CCDC74A: variants seen among roughly 807,000 people sequenced by gnomAD.
The protein encoded by CCDC74A is coiled-coil domain-containing protein 74A.
A neutral mutation model predicts 37.6 loss-of-function variants in CCDC74A; 38 were observed. The observed-to-expected ratio is 1.01, with a 90% CI of 0.78 to 1.33. The LOEUF (loss-of-function observed/expected upper bound fraction) is 1.33, where lower values mean the gene tolerates loss of function less well. Among genes scored for constraint, CCDC74A ranks in the 40% most tolerant of loss-of-function variants. The pLI, the probability that CCDC74A is intolerant of heterozygous loss-of-function variation, is 0.00. For missense variants in CCDC74A, 340 were observed against 403.4 expected, an observed-to-expected ratio of 0.84 and a Z score of 1.35; for synonymous variants, 134 against 165.2, an observed-to-expected ratio of 0.81 and a Z score of 1.45.
chr2:131,528,794 G>T (rs1197618964), intron 1 of CCDC74A, among the ~76,000 whole-genome samples: 2 of 152,052 alleles, frequency 1.3e-5, no homozygotes, highest in Non-Finnish European at 2.9e-5. Context: ...CTCGGTGACA[G>T]AGCGAGACTC....
upstream of CCDC74A, chr2:131,527,858 C>A (rs3101996): frequency 6.3e-5 from 88 of 1,401,224 alleles, no homozygotes; most frequent in African/African-American, 1.4e-4. Flanking sequence ...CCCCCGCCAA[C>A]CGCCTCGCGC....
At chr2:131,531,118 G>A (rs1440019383) in intron 3 of CCDC74A, among the ~76,000 whole-genome samples, 1 of 152,118 alleles carries the variant, frequency 6.6e-6, no homozygotes, top group Non-Finnish European at 1.5e-5. Flanking sequence ...TTCTAGGGAG[G>A]ATGTACCCTG....
chr2:131,532,157 C>T (rs1277948171), intron 4 of CCDC74A, among the ~76,000 whole-genome samples: 1 of 148,410 alleles, frequency 6.7e-6, no homozygotes, highest in Admixed American at 6.7e-5. Context: ...CTTTGGAGGG[C>T]ACTAGGCCAG....
intron 1 of CCDC74A, chr2:131,528,684 G>T (rs572872253): frequency 6.4e-5 from 28 of 434,934 alleles, no homozygotes; most frequent in African/African-American, 4.1e-4. Flanking sequence ...GGTGGTGGGC[G>T]TCTGTAGTCC....
chr2:131,528,442 G>A lies in CCDC74A; in HGVS notation c.250+222G>A, dbSNP rs551287919. On this transcript the variant is annotated intron_variant, in intron 1 of 7. Coordinates refer to ENST00000409856, the MANE Select transcript of CCDC74A (RefSeq NM_001258306.3). The stretch of plus-strand genomic sequence containing the variant: ...CCGACCCTGTCTGCCTGTCTCGTAG[G>A]GCAGCAGCATTTCAGATGCTGACTC... 16 of 1,550,002 alleles carry A rather than the reference G, an allele frequency of 1.0e-5. No homozygotes were observed. The East Asian group carries it at 2.4e-4, about 24-fold the overall frequency.
Position 131,528,233 on chromosome 2 carries a change from G to C in CCDC74A, c.250+13G>C, listed in dbSNP as rs769657379. ...CGGGAAAACAAGGGTGAGCCGGCGCGGGGCCCTAGGCCGGCCCTGCCTCCC... is the reference window on the plus strand; with the variant it reads ...CGGGAAAACAAGGGTGAGCCGGCGCCGGGCCCTAGGCCGGCCCTGCCTCCC... On this transcript the variant is annotated intron_variant, in intron 1 of 7. Coordinates refer to ENST00000409856, the MANE Select transcript of CCDC74A (RefSeq NM_001258306.3). The C allele has an allele frequency of 6.2e-7, 1 of 1,610,608 alleles. No individual in the cohort carries two copies. The highest frequency in any genetic ancestry group is 8.5e-7 in the Non-Finnish European group (1 of 1,178,866).
rs747038015 is a variant in CCDC74A at position 131,532,676 on chromosome 2, C to T, written c.573C>T (p.His191=). 7 of 1,612,732 alleles carry T rather than the reference C, an allele frequency of 4.3e-6. No individual in the cohort carries two copies. In the African/African-American group the frequency reaches 6.7e-5, roughly 15 times the overall value. The change falls in exon 5 of 8, where the codon CAC becomes CAT. Residue 191 remains histidine (H), a synonymous_variant. Transcript: ENST00000409856. ...HQGRQMGAGA[H]PPMILPLPLR... Reference sequence around the variant, plus strand: ...GCAGGCAGATGGGGGCGGGGGCACACCCCCCAATGATCCTGCCCCTTCCCC... The same window carrying T: ...GCAGGCAGATGGGGGCGGGGGCACATCCCCCAATGATCCTGCCCCTTCCCC...
chr2:131,525,711 C>CTTTTTTTTTTTTTTTTTTTTTTTT (rs58721770), upstream of CCDC74A, among the ~76,000 whole-genome samples: 1 of 63,446 alleles, frequency 1.6e-5, no homozygotes, highest in African/African-American at 7.6e-5. Flanking sequence ...CTATGCCTGC[C>CTTTTTTTTTTTTTTTTTTTTTTTT]TTTTTTTTTT....
upstream of CCDC74A, among the ~76,000 whole-genome samples, chr2:131,523,577 AGATCGCACCACT>A (rs1303357289): frequency 6.6e-6 from 1 of 152,164 alleles, no homozygotes; most frequent in African/African-American, 2.4e-5. Context: ...CAGTAAGCCG[AGATCGCACCACT>A]GTACTCCAGC....
At chr2:131,528,338 C>G (rs1176433443) in intron 1 of CCDC74A, 118 bp downstream of exon 1, 212 of 1,547,240 alleles carry the variant, frequency 1.4e-4, no homozygotes, top group Non-Finnish European at 1.8e-4. Flanking sequence ...TCAGGGGGAA[C>G]ACAGGACGGT....
intron 3 of CCDC74A, among the ~76,000 whole-genome samples, chr2:131,531,114 G>A (rs1022747918): frequency 1.3e-5 from 2 of 152,144 alleles, no homozygotes; most frequent in African/African-American, 2.4e-5. Flanking sequence ...GGCCTTCTAG[G>A]GAGGATGTAC....
upstream of CCDC74A, among the ~76,000 whole-genome samples, chr2:131,523,094 C>CG (rs1374032158): frequency 6.6e-6 from 1 of 152,112 alleles, no homozygotes; most frequent in Non-Finnish European, 1.5e-5. Flanking sequence ...TTTGTAGAGA[C>CG]GGGGTCTCAC....
At chr2:131,523,792 C>T (rs1334752028), upstream of CCDC74A, among the ~76,000 whole-genome samples, 1 of 152,102 alleles carries the variant, frequency 6.6e-6, no homozygotes, top group Non-Finnish European at 1.5e-5. Context: ...GTATGACCTT[C>T]CAGGGGCACC....
At chr2:131,529,286 T>TC in intron 1 of CCDC74A, 1 of 457,046 alleles carries the variant, frequency 2.2e-6, no homozygotes, top group South Asian at 2.4e-5. Flanking sequence ...TTCTTGAGCC[T>TC]CCCCCGCAGT....
chr2:131,532,938 G>A lies in CCDC74A; in HGVS notation c.752+1G>A, dbSNP rs371209501. ...CCCCGGAGGAAGCTAGCTTTCCCAG[G>A]TGAGTGCCTGGTGCACCCCTGCCCC... is the stretch of plus-strand genomic sequence containing the variant. On this transcript the variant is annotated splice_donor_variant, in intron 6 of 7. Coordinates refer to ENST00000409856, the MANE Select transcript of CCDC74A (RefSeq NM_001258306.3). LOFTEE classifies it high-confidence loss of function. 1.9e-5 allele frequency: 31 copies of A among 1,613,770 alleles called. No individual in the cohort carries two copies. The highest frequency in any genetic ancestry group is 3.3e-5 in the Admixed American group (2 of 60,002).
intron 2 of CCDC74A, chr2:131,530,570 G>C (rs1234481327): frequency 1.2e-6 from 2 of 1,605,832 alleles, no homozygotes; most frequent in South Asian, 2.2e-5. Context: ...AAGCCCTCCT[G>C]CTTTCCAGAT....
rs193206489 is a variant in CCDC74A at position 131,533,229 on chromosome 2, C to G, written c.810-40C>G. 1.1e-4 allele frequency: 180 copies of G among 1,611,018 alleles called. 1 individual carries two copies. Among genetic ancestry groups the G allele is most frequent in the South Asian group, 5.7e-4 (52 of 90,890 alleles). ...GCCGCACTCCCCACACACTCCACTC[C>G]CGGGGATGCTCACGGTGACAGTCCC... On this transcript the variant is annotated intron_variant, in intron 7 of 7. Coordinates refer to ENST00000409856, the MANE Select transcript of CCDC74A (RefSeq NM_001258306.3).
chr2:131,529,848 G>C, intron 2 of CCDC74A, 157 bp downstream of exon 2: 1 of 1,503,420 alleles, frequency 6.7e-7, no homozygotes, highest in Admixed American at 2.3e-5. Flanking sequence ...ACCTCTAGCC[G>C]TGGCTGGACG....
upstream of CCDC74A, among the ~76,000 whole-genome samples, chr2:131,525,320 T>C (rs908389302): frequency 3.9e-5 from 6 of 152,140 alleles, no homozygotes; most frequent in Non-Finnish European, 8.8e-5. Flanking sequence ...GGTGCAATCA[T>C]GGCTCGCTGC....
Sources: gnomAD v4.1 joint callset for allele counts (sites outside exome capture counted in the v4.1 genomes callset) on GRCh38, gnomAD v4.1.1 for gene constraint, MANE v1.5 for transcripts, NCBI Gene and HGNC (gene_info 2026-07-23, HGNC 2026-07-21) for gene names.